Variants in RIOK2 observed in about 807,000 individuals in gnomAD.
The protein encoded by RIOK2 is RIO kinase 2.
A neutral mutation model predicts 62.4 loss-of-function variants in RIOK2; 46 were observed. The ratio of observed to expected loss-of-function variants is 0.74; its 90% CI spans 0.58 to 0.94. The LOEUF (loss-of-function observed/expected upper bound fraction) is 0.94. Ranked by LOEUF, RIOK2 falls within the 40% of genes least tolerant of loss-of-function variation. The pLI is 0.00. For missense variants in RIOK2, 574 were observed against 658.0 expected (o/e 0.87, Z 1.40); for synonymous variants, 197 against 216.0 (o/e 0.91, Z 0.77).
intron 9 of RIOK2, among the ~76,000 whole-genome samples, chr5:97,164,594 G>C (rs1748791743): frequency 6.6e-6 from 1 of 151,960 alleles, no homozygotes; most frequent in African/African-American, 2.4e-5. Context: ...AGTGTCTGAG[G>C]CTTACACACC....
At chr5:97,164,880 G>A (rs915824392) in intron 9 of RIOK2, 171 bp downstream of exon 9, 8 of 392,752 alleles carry the variant, frequency 2.0e-5, no homozygotes, top group African/African-American at 2.1e-5. Context: ...CACATCCTTT[G>A]AGCAACATTC....
chr5:97,174,968 G>C (rs1027183085), intron 4 of RIOK2, among the ~76,000 whole-genome samples: 1 of 152,068 alleles, frequency 6.6e-6, no homozygotes, highest in African/African-American at 2.4e-5. Context: ...TGAGGTGGGA[G>C]GATGGCTTGA....
intron 7 of RIOK2, among the ~76,000 whole-genome samples, chr5:97,168,364 T>C (rs535793473): frequency 3.9e-5 from 6 of 152,296 alleles, no homozygotes; most frequent in African/African-American, 1.4e-4. Context: ...ATGAGAAAAC[T>C]GAGCTTTGAG....
At chr5:97,165,387 G>T (rs921851166) in intron 8 of RIOK2, among the ~76,000 whole-genome samples, 19 of 152,106 alleles carry the variant, frequency 1.2e-4, no homozygotes, top group African/African-American at 3.9e-4. Context: ...ACAGTAGAAT[G>T]CTTAAGCCAT....
At chr5:97,163,293 G>T (rs2112822591) in intron 9 of RIOK2, 68 bp from the exon 10 acceptor site, 1 of 1,283,292 alleles carries the variant, frequency 7.8e-7, no homozygotes, top group Non-Finnish European at 1.1e-6. Context: ...GCTAATATCT[G>T]TTCTATTTAT....
chr5:97,175,081 A>AATAC (rs1239559709), intron 4 of RIOK2, among the ~76,000 whole-genome samples: 1 of 151,976 alleles, frequency 6.6e-6, no homozygotes, highest in Admixed American at 6.6e-5. Context: ...TAAATAAATA[A>AATAC]ATAAATAAAA....
chr5:97,168,543 T>A (rs544048272), intron 7 of RIOK2, among the ~76,000 whole-genome samples: 1 of 152,344 alleles, frequency 6.6e-6, no homozygotes, highest in Non-Finnish European at 1.5e-5. Flanking sequence ...AATCTAGATA[T>A]GTCCGCTTCC....
At position 97,179,206 on chromosome 5, in the gene RIOK2, G is replaced by A; in HGVS notation, c.67-13C>T. On this transcript the variant is annotated splice_polypyrimidine_tract_variant and intron_variant, in intron 1 of 9. Coordinates refer to ENST00000283109, the MANE Select transcript of RIOK2 (RefSeq NM_018343.3). ...TGCCCATTTCAACCTGAAATTAAAG[G>A]AATCATTATATAATCATAATCAACA... The A allele has an allele frequency of 7.5e-6, 12 of 1,610,286 alleles. No homozygotes were observed. The highest frequency in any genetic ancestry group is 1.0e-5 in the Non-Finnish European group (12 of 1,179,170).
intron 1 of RIOK2, 69 bp downstream of exon 1, chr5:97,183,057 A>C (rs1749468031): frequency 6.5e-7 from 1 of 1,540,490 alleles, no homozygotes. Context: ...ATCCCAGAAA[A>C]CTTGCAGGAA....
At chr5:97,170,087 TAACAA>T (rs1338318955) in intron 6 of RIOK2, among the ~76,000 whole-genome samples, 20 of 152,314 alleles carry the variant, frequency 1.3e-4, no homozygotes, top group African/African-American at 4.1e-4. Flanking sequence ...ACGCTTCACT[TAACAA>T]AACTACTTCA....
intron 6 of RIOK2, 30 bp from the exon 7 acceptor site, chr5:97,168,882 G>A: frequency 6.7e-6 from 9 of 1,347,860 alleles, no homozygotes; most frequent in Non-Finnish European, 8.3e-6. Context: ...TTATGATATA[G>A]TCTTTATTGC....
Position 97,177,721 on chromosome 5 carries a change from T to C in RIOK2, c.322+11A>G. 4 of 1,476,190 alleles carry C rather than the reference T, an allele frequency of 2.7e-6. No individual in the cohort carries two copies. Among genetic ancestry groups the C allele is most frequent in the Non-Finnish European group, 3.8e-6 (4 of 1,054,876 alleles). 91.4% of individuals were successfully genotyped at this position (1,476,190 alleles called of 1,614,324 possible). ...AAAGAAAATACTTTGCACAGTACTA[T>C]TAGCACTTACCTGATTCTTTGCCAA... On this transcript the variant is annotated intron_variant, in intron 3 of 9. Coordinates refer to ENST00000283109, the MANE Select transcript of RIOK2 (RefSeq NM_018343.3).
chr5:97,163,220 C>T lies in RIOK2; in HGVS notation c.1500G>A (p.Leu500=), dbSNP rs754012985. The T allele has an allele frequency of 2.8e-5, 45 of 1,612,842 alleles. 1 individual carries two copies. In the South Asian group the frequency reaches 4.4e-4, roughly 16 times the overall value. The change falls in exon 10 of 10, where the codon CTG becomes CTA. Residue 500 remains leucine (L), a synonymous_variant. Transcript: ENST00000283109. ...ACTGACGTTTCACCTTCTGTTTCACCAGTTCCTGGAAAGATTTCATAAATT... is the reference window on the plus strand; with the variant it reads ...ACTGACGTTTCACCTTCTGTTTCACTAGTTCCTGGAAAGATTTCATAAATT... ...AVSCSTIPPE[L]VKQKVKRQLT...
intron 4 of RIOK2, chr5:97,176,176 T>A (rs1009936886): frequency 6.6e-6 from 1 of 152,198 alleles, no homozygotes; most frequent in East Asian, 1.9e-4. Flanking sequence ...ATATGAGAAG[T>A]CATCAAGTCA....
At position 97,167,537 on chromosome 5, in the gene RIOK2, C is replaced by CA; in HGVS notation, c.1326dup (p.Asp443Ter). 1.9e-6 allele frequency: 3 copies of CA among 1,614,200 alleles called. No homozygotes were observed. The highest frequency in any genetic ancestry group is 2.5e-6 in the Non-Finnish European group (3 of 1,180,018). The stretch of plus-strand genomic sequence containing the variant: ...TGAGGGCATTCATCTTCATACTCGT[C>CA]AGAGCCAGCAGGGACTCCTCCTTGA... On this transcript the variant is annotated frameshift_variant, in exon 8 of 10. Transcript: ENST00000283109. LOFTEE classifies it high-confidence loss of function.
chr5:97,177,016 G>A (rs1749185111), intron 4 of RIOK2, 100 bp downstream of exon 4: 1 of 985,796 alleles, frequency 1.0e-6, no homozygotes, highest in Non-Finnish European at 1.6e-6. Flanking sequence ...TCTAAGGTTA[G>A]AGAGATGTGG....
At chr5:97,174,485 G>A (rs1168483310) in intron 4 of RIOK2, among the ~76,000 whole-genome samples, 5 of 151,998 alleles carry the variant, frequency 3.3e-5, no homozygotes, top group Admixed American at 1.3e-4. Context: ...AACTTTTCCT[G>A]GTTTTCAAAA....
intron 3 of RIOK2, 37 bp from the exon 4 acceptor site, chr5:97,177,328 G>A (rs371073085): frequency 1.2e-5 from 18 of 1,515,310 alleles, no homozygotes; most frequent in African/African-American, 7.0e-5. Context: ...ATTATTACAC[G>A]TTTATTCCAA....
At chr5:97,176,621 C>T (rs1409967415) in intron 4 of RIOK2, among the ~76,000 whole-genome samples, 5 of 152,144 alleles carry the variant, frequency 3.3e-5, no homozygotes, top group African/African-American at 1.2e-4. Context: ...TAGGCATGAA[C>T]CACTGCACCC....
Sources: gnomAD v4.1 joint callset for allele counts (sites outside exome capture counted in the v4.1 genomes callset) on GRCh38, gnomAD v4.1.1 for gene constraint, MANE v1.5 for transcripts, NCBI Gene and HGNC (gene_info 2026-07-23, HGNC 2026-07-21) for gene names.